Variants in RSF1 observed in about 807,000 individuals in gnomAD.
RSF1 encodes remodeling and spacing factor 1, also known as HBV pX-associated protein 8.
A neutral mutation model predicts 145.2 loss-of-function variants in RSF1; 13 were observed. The ratio of observed to expected loss-of-function variants is 0.09; its 90% CI spans 0.06 to 0.14. The LOEUF (loss-of-function observed/expected upper bound fraction) is 0.14. Among genes scored for constraint, RSF1 ranks in the 10% least tolerant of loss-of-function variants. The probability of loss-of-function intolerance (pLI) is 1.00; values close to 1 mark genes in which losing one functional copy is unlikely to be tolerated. For synonymous variants in RSF1, 577 were observed against 592.6 expected (o/e 0.97, Z 0.38); for missense variants, 1,517 against 1,718.2 (o/e 0.88, Z 2.07).
the RSF1 span, among the ~76,000 whole-genome samples, chr11:77,864,532 G>GA: frequency 6.6e-6 from 1 of 152,158 alleles, no homozygotes; most frequent in African/African-American, 2.4e-5. Flanking sequence ...TATATTATGT[G>GA]AAAAAATGCA....
intron 1 of RSF1, among the ~76,000 whole-genome samples, chr11:77,801,669 C>G (rs1238557006): frequency 2.0e-5 from 3 of 151,982 alleles, no homozygotes; most frequent in Non-Finnish European, 2.9e-5. Context: ...GTGATAGAAG[C>G]CTCTTTTGTT....
intron 1 of RSF1, among the ~76,000 whole-genome samples, chr11:77,772,117 T>C (rs1336002744): frequency 6.6e-6 from 1 of 152,204 alleles, no homozygotes; most frequent in Non-Finnish European, 1.5e-5. Flanking sequence ...AAAGACAATA[T>C]GTACACACAG....
chr11:77,797,518 G>A (rs1277648794), intron 1 of RSF1, among the ~76,000 whole-genome samples: 1 of 152,112 alleles, frequency 6.6e-6, no homozygotes, highest in Non-Finnish European at 1.5e-5. Flanking sequence ...AACTCAAGAT[G>A]GATCAAAGAC....
At chr11:77,832,626 A>G in the RSF1 span, among the ~76,000 whole-genome samples, 3 of 151,990 alleles carry the variant, frequency 2.0e-5, no homozygotes, top group African/African-American at 4.8e-5. Flanking sequence ...GCGCCTGGCC[A>G]TAGAGGAACT....
intron 2 of RSF1, among the ~76,000 whole-genome samples, chr11:77,754,970 A>G (rs1948101314): frequency 6.6e-6 from 1 of 152,180 alleles, no homozygotes; most frequent in Admixed American, 6.5e-5. Flanking sequence ...CCCTGTCTCA[A>G]AAAACAAAAA....
chr11:77,724,941 A>G (rs1163213932), intron 5 of RSF1, among the ~76,000 whole-genome samples: 1 of 152,222 alleles, frequency 6.6e-6, no homozygotes, highest in Non-Finnish European at 1.5e-5. Flanking sequence ...CCCCTGTAAC[A>G]TGGATGAACT....
At chr11:77,748,427 G>A (rs533709859) in intron 2 of RSF1, among the ~76,000 whole-genome samples, 1 of 151,872 alleles carries the variant, frequency 6.6e-6, no homozygotes, top group South Asian at 2.1e-4. Context: ...GTTTCTTCAT[G>A]TTGCCAAGAT....
In RSF1 at chr11:77,771,893, G is replaced by T. The variant is rs549504169; in HGVS notation, c.188-7204C>A. Among the ~76,000 whole-genome samples the T allele has an allele frequency of 8.5e-5, 13 of 152,322 alleles. No homozygotes were observed. The East Asian group carries it at 2.5e-3, about 29-fold the overall frequency. On this transcript the variant is annotated intron_variant, in intron 1 of 15. Coordinates refer to ENST00000308488, the MANE Select transcript of RSF1 (RefSeq NM_016578.4). ...TCAGATAATGATGGCTTGGACTAAGGCTGTGGTGCAGAGATGTAGGAAAGT... is the reference window on the plus strand; with the variant it reads ...TCAGATAATGATGGCTTGGACTAAGTCTGTGGTGCAGAGATGTAGGAAAGT...
intron 5 of RSF1, among the ~76,000 whole-genome samples, chr11:77,714,340 G>A (rs1220267417): frequency 6.6e-6 from 1 of 152,056 alleles, no homozygotes; most frequent in Non-Finnish European, 1.5e-5. Context: ...TTTTATGGGG[G>A]AATTGGTAGA....
chr11:77,690,942 G>T lies in RSF1; in HGVS notation c.2900+217C>A, dbSNP rs927420833. 1.3e-5 allele frequency: 7 copies of T among 530,190 alleles called. No homozygotes were observed. The African/African-American group carries it at 1.3e-4, about 10-fold the overall frequency. The allele number at this position is 530,190 out of a possible 1,614,324, so 32.8% of individuals were successfully genotyped here. On this transcript the variant is annotated intron_variant, in intron 9 of 15. Coordinates refer to ENST00000308488, the MANE Select transcript of RSF1 (RefSeq NM_016578.4). ...AATTTGAGTATCATATAATTTTCAT[G>T]TGTCATGAAATATGATTCTAGTTTT... is the stretch of plus-strand genomic sequence containing the variant.
At chr11:77,708,730 C>A (rs1472944447) in intron 5 of RSF1, among the ~76,000 whole-genome samples, 1 of 152,206 alleles carries the variant, frequency 6.6e-6, no homozygotes, top group Non-Finnish European at 1.5e-5. Flanking sequence ...GCACAAGGCC[C>A]TGCACAATTG....
intron 9 of RSF1, among the ~76,000 whole-genome samples, chr11:77,689,485 C>T (rs537107905): frequency 3.3e-5 from 5 of 152,312 alleles, no homozygotes; most frequent in South Asian, 2.1e-4. Flanking sequence ...ATATGTTCAT[C>T]GGTATAATCT....
At chr11:77,870,556 C>G in the RSF1 span, among the ~76,000 whole-genome samples, 2 of 151,970 alleles carry the variant, frequency 1.3e-5, no homozygotes, top group African/African-American at 4.8e-5. Context: ...CCAGGATGGT[C>G]TTGATCTCCT....
chr11:77,823,194 G>A (rs550502345), upstream of RSF1, among the ~76,000 whole-genome samples: 5 of 109,022 alleles, frequency 4.6e-5, no homozygotes, highest in Non-Finnish European at 6.8e-5. Context: ...CAGCCTGGGC[G>A]ACAGAGCAAG....
At chr11:77,801,393 A>G (rs1042785855) in intron 1 of RSF1, among the ~76,000 whole-genome samples, 1 of 152,214 alleles carries the variant, frequency 6.6e-6, no homozygotes, top group Non-Finnish European at 1.5e-5. Flanking sequence ...TTGCCACTGC[A>G]CTCCAGCCTG....
intron 2 of RSF1, among the ~76,000 whole-genome samples, chr11:77,758,141 A>G (rs776348137): frequency 5.0e-5 from 4 of 80,010 alleles, no homozygotes; most frequent in Middle Eastern, 0.011. Flanking sequence ...GTCTCAGAAG[A>G]AAAAAAAAAA....
chr11:77,821,119 A>C, upstream of RSF1: 1 of 429,496 alleles, frequency 2.3e-6, no homozygotes, highest in Non-Finnish European at 4.1e-6. Context: ...GCGCTGTTCA[A>C]CTGCAGGGCG....
intron 1 of RSF1, among the ~76,000 whole-genome samples, chr11:77,774,909 G>C (rs1948326413): frequency 1.3e-5 from 2 of 150,660 alleles, no homozygotes; most frequent in South Asian, 4.2e-4. Flanking sequence ...TAGGATTACA[G>C]GCGCCCGCCA....
chr11:77,821,919 T>TAA (rs1366751894), upstream of RSF1, among the ~76,000 whole-genome samples: 3 of 152,056 alleles, frequency 2.0e-5, no homozygotes, highest in African/African-American at 7.2e-5. Flanking sequence ...TTTGAACTCC[T>TAA]TAGAGTGGGG....
Sources: gnomAD v4.1 joint callset for allele counts (sites outside exome capture counted in the v4.1 genomes callset) on GRCh38, gnomAD v4.1.1 for gene constraint, MANE v1.5 for transcripts, NCBI Gene and HGNC (gene_info 2026-07-23, HGNC 2026-07-21) for gene names.